Variants in TENM2 observed in about 807,000 individuals in gnomAD.
The protein encoded by TENM2 is teneurin-2.
TENM2 carries 52 observed loss-of-function variants against 245.2 expected under a neutral mutation model. That is an observed-to-expected ratio of 0.21 (90% confidence interval 0.17 to 0.27). The LOEUF is 0.27. TENM2 is among the 10% of genes least tolerant of loss of function. The pLI is 1.00. For missense variants in TENM2, 3,046 were observed against 3,666.8 expected, an observed-to-expected ratio of 0.83 and a Z score of 4.37; for synonymous variants, 1,363 against 1,438.9, an observed-to-expected ratio of 0.95 and a Z score of 1.19.
intron 2 of TENM2, among the ~76,000 whole-genome samples, chr5:167,793,444 T>G (rs887310698): frequency 1.3e-5 from 2 of 152,200 alleles, no homozygotes; most frequent in Non-Finnish European, 2.9e-5. Flanking sequence ...TTTTTCAACT[T>G]ACCTCTTTAG....
the TENM2 span, among the ~76,000 whole-genome samples, chr5:167,088,694 A>T: frequency 6.0e-4 from 91 of 151,886 alleles, 1 homozygote; most frequent in African/African-American, 2.1e-3. Context: ...ATTAATACTC[A>T]CAGAAAACTG....
At chr5:167,523,393 C>T (rs539571780) in intron 2 of TENM2, among the ~76,000 whole-genome samples, 2 of 152,038 alleles carry the variant, frequency 1.3e-5, no homozygotes, top group African/African-American at 4.8e-5. Flanking sequence ...ATGTGGGCTC[C>T]GTGTTGTAGG....
At chr5:168,006,925 G>C (rs1181034745) in intron 5 of TENM2, among the ~76,000 whole-genome samples, 1 of 152,144 alleles carries the variant, frequency 6.6e-6, no homozygotes, top group East Asian at 1.9e-4. Flanking sequence ...TGCCTGCCAG[G>C]GATGAAGAAA....
chr5:167,416,551 G>A (rs1763177232), intron 2 of TENM2, among the ~76,000 whole-genome samples: 2 of 152,148 alleles, frequency 1.3e-5, no homozygotes, highest in Non-Finnish European at 2.9e-5. Context: ...GGCTTATGAT[G>A]ACAGCAGTTG....
intron 24 of TENM2, among the ~76,000 whole-genome samples, chr5:168,227,393 C>T (rs1448871738): frequency 6.6e-6 from 1 of 152,100 alleles, no homozygotes; most frequent in Admixed American, 6.5e-5. Context: ...TTGACTTCTT[C>T]TCTCCATTTT....
In TENM2 at chr5:167,667,268, T is replaced by C. The variant is rs1008619914; in HGVS notation, c.503-208718T>C. On this transcript the variant is annotated intron_variant, in intron 2 of 28. Transcript: ENST00000518659. ...TTTGAGGACTAAAGAATCTCTGTATTGGTGTTGGCCGTATTTGCCCTTGAA... is the reference window on the plus strand; with the variant it reads ...TTTGAGGACTAAAGAATCTCTGTATCGGTGTTGGCCGTATTTGCCCTTGAA... 7.9e-5 allele frequency among the ~76,000 whole-genome samples: 12 copies of C among 152,284 alleles called. 1 individual carries two copies. The highest frequency in any genetic ancestry group is 7.9e-4 in the Admixed American group (12 of 15,284).
At chr5:167,626,392 T>TA (rs1388834894) in intron 2 of TENM2, among the ~76,000 whole-genome samples, 1 of 152,184 alleles carries the variant, frequency 6.6e-6, no homozygotes, top group Non-Finnish European at 1.5e-5. Flanking sequence ...TTAATAGAAC[T>TA]AAAACCATTG....
At chr5:167,122,894 A>G in the TENM2 span, among the ~76,000 whole-genome samples, 4 of 152,142 alleles carry the variant, frequency 2.6e-5, no homozygotes, top group Non-Finnish European at 5.9e-5. Context: ...CAATGAGGCA[A>G]ATTCACAAAT....
chr5:167,431,083 T>C (rs930102931), intron 2 of TENM2, among the ~76,000 whole-genome samples: 2 of 152,190 alleles, frequency 1.3e-5, no homozygotes, highest in Non-Finnish European at 2.9e-5. Flanking sequence ...ATTTAAACCT[T>C]TGAATATAGA....
chr5:168,013,486 C>T (rs1785420896), intron 5 of TENM2, among the ~76,000 whole-genome samples: 1 of 152,116 alleles, frequency 6.6e-6, no homozygotes, highest in Non-Finnish European at 1.5e-5. Flanking sequence ...TGCCTGTAAT[C>T]CCAGCTACCC....
At chr5:168,104,164 G>A (rs1006722491) in intron 9 of TENM2, among the ~76,000 whole-genome samples, 1 of 152,012 alleles carries the variant, frequency 6.6e-6, no homozygotes, top group Admixed American at 6.6e-5. Context: ...AGAGTAGCTG[G>A]GATTACCAGT....
At chr5:167,228,174 T>A in the TENM2 span, among the ~76,000 whole-genome samples, 3 of 151,928 alleles carry the variant, frequency 2.0e-5, no homozygotes, top group African/African-American at 4.8e-5. Flanking sequence ...GGACTACAGG[T>A]GTGCATCACC....
intron 2 of TENM2, among the ~76,000 whole-genome samples, chr5:167,460,667 G>A (rs1173478920): frequency 6.6e-6 from 1 of 151,670 alleles, no homozygotes; most frequent in Non-Finnish European, 1.5e-5. Flanking sequence ...GGGCTGGAGA[G>A]TTTCAGCTGT....
the TENM2 span, among the ~76,000 whole-genome samples, chr5:167,276,352 T>G: frequency 0.24 from 8,316 of 33,996 alleles, 264 homozygotes; most frequent in Non-Finnish European, 0.36. Flanking sequence ...CCTGTTCATT[T>G]TGTGTGTGTG....
intron 2 of TENM2, among the ~76,000 whole-genome samples, chr5:167,861,771 T>G (rs1771834098): frequency 6.6e-6 from 1 of 152,240 alleles, no homozygotes; most frequent in Admixed American, 6.5e-5. Flanking sequence ...TATTTGTATC[T>G]CGCTGAGCCT....
intron 2 of TENM2, among the ~76,000 whole-genome samples, chr5:167,636,333 A>C (rs1779210481): frequency 6.6e-6 from 1 of 152,248 alleles, no homozygotes; most frequent in Non-Finnish European, 1.5e-5. Context: ...AATTAGCTAA[A>C]TGATTCTCTT....
At chr5:167,468,502 A>C (rs1766810895) in intron 2 of TENM2, among the ~76,000 whole-genome samples, 1 of 152,250 alleles carries the variant, frequency 6.6e-6, no homozygotes. Context: ...GCTCTGTAAT[A>C]CATTTACATA....
At chr5:168,245,606 G>A (rs1045880270) in intron 26 of TENM2, among the ~76,000 whole-genome samples, 41 of 149,868 alleles carry the variant, frequency 2.7e-4, no homozygotes, top group African/African-American at 8.3e-4. Context: ...CTTTGGGCAC[G>A]TATCAAGACT....
intron 2 of TENM2, among the ~76,000 whole-genome samples, chr5:167,430,072 G>C (rs892074199): frequency 6.6e-6 from 1 of 152,102 alleles, no homozygotes; most frequent in Non-Finnish European, 1.5e-5. Flanking sequence ...GGTGGGGAGA[G>C]TACAGGGGCA....
Sources: gnomAD v4.1 joint callset for allele counts (sites outside exome capture counted in the v4.1 genomes callset) on GRCh38, gnomAD v4.1.1 for gene constraint, MANE v1.5 for transcripts, NCBI Gene and HGNC (gene_info 2026-07-23, HGNC 2026-07-21) for gene names.